PRKN: variants seen among roughly 807,000 people sequenced by gnomAD.
PRKN encodes the protein E3 ubiquitin-protein ligase parkin.
In PRKN, 56 loss-of-function variants were observed where a neutral mutation model predicts 59.5. That is an observed-to-expected ratio of 0.94 (90% CI 0.76 to 1.18). PRKN has a LOEUF of 1.18. PRKN is among the 50% of genes most tolerant of loss of function. The probability of loss-of-function intolerance (pLI) is 0.00; values close to 1 mark genes in which losing one functional copy is unlikely to be tolerated. For missense variants in PRKN, 657 were observed against 596.4 expected (o/e 1.10, Z -1.06); for synonymous variants, 250 against 222.1 (o/e 1.13, Z -1.12).
In PRKN at chr6:162,380,438, T is replaced by TAC. The variant is rs1184769581; in HGVS notation, c.171+62871_171+62872insGT. 9.0e-5 allele frequency among the ~76,000 whole-genome samples: 7 copies of TAC among 77,930 alleles called. 1 individual carries two copies. Among genetic ancestry groups the TAC allele is most frequent in the African/African-American group, 2.9e-4 (4 of 13,946 alleles). The allele number at this position is 77,930 out of a possible 152,430, so 51.1% of individuals were successfully genotyped here. ...ACACACATATATATATGTGTGTATA[T>TAC]ATATATATGTATATATACACACATA... On this transcript the variant is annotated intron_variant, in intron 2 of 11. Transcript: ENST00000366898.
chr6:161,449,689 A>C (rs374585167), intron 9 of PRKN, among the ~76,000 whole-genome samples: 2 of 152,302 alleles, frequency 1.3e-5, no homozygotes, highest in African/African-American at 4.8e-5. Context: ...ACCAAAGTGC[A>C]GACTTGTCCC....
rs1583037392 is a variant in PRKN, at chr6:161,414,355, C to G, written c.1084-27478G>C. Among the ~76,000 whole-genome samples the G allele has an allele frequency of 6.6e-6, 1 of 152,166 alleles. No individual in the cohort carries two copies. Among genetic ancestry groups the G allele is most frequent in the African/African-American group, 2.4e-5 (1 of 41,424 alleles). ...TCTGTGTCAGGTCCTGGTATTTATT[C>G]CCAGATTCTGTTTAGATGCACCCGA... is the stretch of plus-strand genomic sequence containing the variant. On this transcript the variant is annotated intron_variant, in intron 9 of 11. Transcript: ENST00000366898. This position sits in a 1 kb window ranked among gnomAD's most constrained non-coding sequence, Gnocchi z 5.3.
At chr6:162,230,512 T>C (rs1331876560) in intron 3 of PRKN, among the ~76,000 whole-genome samples, 1 of 152,208 alleles carries the variant, frequency 6.6e-6, no homozygotes, top group Non-Finnish European at 1.5e-5. Flanking sequence ...TTATATTTAG[T>C]GATTGCTCTG....
At chr6:161,850,117 G>A (rs937393479) in intron 6 of PRKN, among the ~76,000 whole-genome samples, 5 of 152,118 alleles carry the variant, frequency 3.3e-5, no homozygotes, top group Non-Finnish European at 7.4e-5. Flanking sequence ...ACAGGTACTG[G>A]ACACTGGCTA....
At chr6:161,614,084 G>C (rs1441121192) in intron 7 of PRKN, among the ~76,000 whole-genome samples, 1 of 152,106 alleles carries the variant, frequency 6.6e-6, no homozygotes, top group Non-Finnish European at 1.5e-5. Flanking sequence ...AGCCAGCAGG[G>C]GTGTCTCAAA....
In PRKN at chr6:161,471,612, T is replaced by C. The variant is rs1790792773; in HGVS notation, c.1083+77242A>G. On this transcript the variant is annotated intron_variant, in intron 9 of 11. Coordinates refer to ENST00000366898, the MANE Select transcript of PRKN (RefSeq NM_004562.3). This position sits in a 1 kb window ranked among gnomAD's most constrained non-coding sequence, Gnocchi z 4.5. ...GACCTAATTTCTATATGCTCTTGAATTGGATGGTCTATCGGAAACAGAATC... is the reference window on the plus strand; with the variant it reads ...GACCTAATTTCTATATGCTCTTGAACTGGATGGTCTATCGGAAACAGAATC... 2.0e-5 allele frequency among the ~76,000 whole-genome samples: 3 copies of C among 152,142 alleles called. No individual in the cohort carries two copies. The highest frequency in any genetic ancestry group is 4.4e-5 in the Non-Finnish European group (3 of 68,028).
chr6:162,284,270 G>T (rs1781076760), intron 2 of PRKN, among the ~76,000 whole-genome samples: 1 of 137,516 alleles, frequency 7.3e-6, no homozygotes, highest in Non-Finnish European at 1.5e-5. Context: ...TGTTGCCCAG[G>T]CTGGAGTGCA....
rs150803848 is a variant in PRKN, at chr6:161,490,474, T to C, written c.1083+58380A>G. The stretch of plus-strand genomic sequence containing the variant: ...ATCTCAATCTCAGCTCACTGCAACA[T>C]CTGCCTCCTGGGTTCAAGCGATTCT... On this transcript the variant is annotated intron_variant, in intron 9 of 11. Transcript: ENST00000366898. Among the ~76,000 whole-genome samples the C allele has an allele frequency of 7.5e-3, 1,100 of 146,192 alleles. 18 individuals are homozygous for C. Among genetic ancestry groups the C allele is most frequent in the African/African-American group, 0.026 (1,055 of 39,862 alleles).
chr6:162,158,744 C>A (rs765313951), intron 4 of PRKN, among the ~76,000 whole-genome samples: 4 of 151,936 alleles, frequency 2.6e-5, no homozygotes, highest in Non-Finnish European at 2.9e-5. Context: ...TGTTCCTCTT[C>A]TGCCTTCTTC....
chr6:162,577,247 A>AG lies in PRKN; in HGVS notation c.8-133775dup, dbSNP rs201596751. The stretch of plus-strand genomic sequence containing the variant: ...AACTTAAAAAAAGATGATCAATAAT[A>AG]GGAAAAAAATCAATCAAATCACATG... On this transcript the variant is annotated intron_variant, in intron 1 of 11. Coordinates refer to ENST00000366898, the MANE Select transcript of PRKN (RefSeq NM_004562.3). 2.0e-4 allele frequency among the ~76,000 whole-genome samples: 29 copies of AG among 144,954 alleles called. No homozygotes were observed. The Admixed American group carries it at 2.0e-3, about 10-fold the overall frequency.
At chr6:162,316,807 T>C (rs1479098679) in intron 2 of PRKN, among the ~76,000 whole-genome samples, 2 of 152,134 alleles carry the variant, frequency 1.3e-5, no homozygotes, top group African/African-American at 2.4e-5. Flanking sequence ...AGGATCTCAG[T>C]ATAGTTAATG....
At chr6:162,285,045 C>T (rs79853576) in intron 2 of PRKN, among the ~76,000 whole-genome samples, 1,829 of 152,134 alleles carry the variant, frequency 0.012, 42 homozygotes, top group African/African-American at 0.041. Flanking sequence ...TGAAGGTACA[C>T]GGAGAAGACA....
At chr6:162,498,679 A>G (rs1793213931) in intron 1 of PRKN, among the ~76,000 whole-genome samples, 1 of 151,550 alleles carries the variant, frequency 6.6e-6, no homozygotes, top group Non-Finnish European at 1.5e-5. Flanking sequence ...ACAGTCCATA[A>G]ACTGCCGCCT....
rs766949960 is a variant in PRKN, at chr6:161,352,755, G to GTGTGTGTGTGTGTGTGTGTA, written c.1286-2545_1286-2544insTACACACACACACACACACA. Among the ~76,000 whole-genome samples, 5 of 134,366 alleles carry GTGTGTGTGTGTGTGTGTGTA rather than the reference G, an allele frequency of 3.7e-5. No homozygotes were observed. The highest frequency in any genetic ancestry group is 8.0e-5 in the Non-Finnish European group (5 of 62,888). The allele number at this position is 134,366 out of a possible 152,430, so 88.1% of individuals were successfully genotyped here. A position where few individuals can be genotyped will look rare whatever the true frequency, so the allele number is the denominator to read the frequency against. On this transcript the variant is annotated intron_variant, in intron 11 of 11. Transcript: ENST00000366898. The surrounding 1 kb of genome is among the most constrained non-coding windows in gnomAD (Gnocchi z 5.8). Reference sequence around the variant, plus strand: ...TGTGTGTGTGTGTGTGTGTGTGTGTGTATATATATATATATATTTTATTTT... The same window carrying GTGTGTGTGTGTGTGTGTGTA: ...TGTGTGTGTGTGTGTGTGTGTGTGTGTGTGTGTGTGTGTGTGTGTATATATATATATATATATTTTATTTT...
rs571268482 is a variant in PRKN, at chr6:161,460,790, G to A, written c.1084-73913C>T. 2.0e-4 allele frequency among the ~76,000 whole-genome samples: 30 copies of A among 149,712 alleles called. No individual in the cohort carries two copies. The highest frequency in any genetic ancestry group is 3.4e-4 in the Non-Finnish European group (23 of 67,602). ...TCTTCAGATGGAGTCTCGTTCTGTCGCCAGGCTGGAGTGCAGTGTCACAAT... is the reference window on the plus strand; with the variant it reads ...TCTTCAGATGGAGTCTCGTTCTGTCACCAGGCTGGAGTGCAGTGTCACAAT... On this transcript the variant is annotated intron_variant, in intron 9 of 11. Coordinates refer to ENST00000366898, the MANE Select transcript of PRKN (RefSeq NM_004562.3). The surrounding 1 kb of genome is among the most constrained non-coding windows in gnomAD (Gnocchi z 5.0).
Position 161,483,719 on chromosome 6 carries a change from G to C in PRKN, c.1083+65135C>G, listed in dbSNP as rs1464666998. Among the ~76,000 whole-genome samples, 1 of 152,104 alleles carries C rather than the reference G, an allele frequency of 6.6e-6. No homozygotes were observed. On this transcript the variant is annotated intron_variant, in intron 9 of 11. Transcript: ENST00000366898. This position sits in a 1 kb window ranked among gnomAD's most constrained non-coding sequence, Gnocchi z 5.0. ...ACTTATTTCTTAAGGCATGGGAGTGGCATAGTGAGATCCTGGCAGGAGCAC... is the reference window on the plus strand; with the variant it reads ...ACTTATTTCTTAAGGCATGGGAGTGCCATAGTGAGATCCTGGCAGGAGCAC...
chr6:161,918,057 C>G (rs1778640770), intron 6 of PRKN, among the ~76,000 whole-genome samples: 1 of 152,186 alleles, frequency 6.6e-6, no homozygotes, highest in East Asian at 1.9e-4. Flanking sequence ...TTGCAATTTA[C>G]AACAACAAAG....
chr6:162,217,963 C>T (rs189753315), intron 3 of PRKN, among the ~76,000 whole-genome samples: 1 of 152,102 alleles, frequency 6.6e-6, no homozygotes, highest in Non-Finnish European at 1.5e-5. Context: ...GGCAGGATCT[C>T]TATGCAAAAG....
chr6:161,706,350 G>A (rs916212336), intron 7 of PRKN, among the ~76,000 whole-genome samples: 10 of 152,148 alleles, frequency 6.6e-5, no homozygotes, highest in Admixed American at 6.5e-5. Flanking sequence ...GGAAACTGTC[G>A]CTGACTGGCC....
Sources: allele counts gnomAD v4.1 joint callset (sites outside exome capture counted in the v4.1 genomes callset), GRCh38; gene constraint gnomAD v4.1.1; non-coding constraint Gnocchi (gnomAD v3.1); transcripts MANE v1.5; gene names NCBI Gene and HGNC (gene_info 2026-07-23, HGNC 2026-07-21).